Variants in FGD4 observed in about 807,000 individuals in gnomAD.
FGD4 encodes FYVE, RhoGEF and PH domain-containing protein 4.
A neutral mutation model predicts 102.0 loss-of-function variants in FGD4; 42 were observed. That is an observed-to-expected ratio of 0.41 (90% CI 0.32 to 0.53). The LOEUF (loss-of-function observed/expected upper bound fraction) is 0.53, where lower values mean the gene tolerates loss of function less well. FGD4 is among the 20% of genes least tolerant of loss of function. The pLI is 0.21. For missense variants in FGD4, 902 were observed against 1,078.2 expected (o/e 0.84, Z 2.29); for synonymous variants, 380 against 375.7 (o/e 1.01, Z -0.13).
intron 6 of FGD4, 110 bp from the exon 7 acceptor site, chr12:32,602,051 G>T (rs1476258918): frequency 2.1e-6 from 2 of 948,606 alleles, no homozygotes; most frequent in South Asian, 1.4e-5. Context: ...GGAGGTCGAG[G>T]TTGCAGTGAG....
chr12:32,551,955 G>A (rs1419203892), intron 1 of FGD4, among the ~76,000 whole-genome samples: 3 of 152,170 alleles, frequency 2.0e-5, no homozygotes, highest in Non-Finnish European at 2.9e-5. Flanking sequence ...GCAGTAACAC[G>A]AGGTGTTTTA....
intron 1 of FGD4, among the ~76,000 whole-genome samples, chr12:32,498,434 G>T (rs1937956022): frequency 6.6e-6 from 1 of 152,192 alleles, no homozygotes; most frequent in South Asian, 2.1e-4. Context: ...GTGATATTTA[G>T]TAGGATCCTA....
At chr12:32,603,382 TTTTA>T (rs1171082302) in intron 7 of FGD4, among the ~76,000 whole-genome samples, 25 of 150,390 alleles carry the variant, frequency 1.7e-4, no homozygotes, top group African/African-American at 4.9e-4. Flanking sequence ...TTCCTTTTTA[TTTTA>T]TTTATTTTTT....
At chr12:32,438,719 C>A (rs1382044497) in intron 1 of FGD4, among the ~76,000 whole-genome samples, 1 of 151,906 alleles carries the variant, frequency 6.6e-6, no homozygotes, top group Non-Finnish European at 1.5e-5. Context: ...CAATATCCTG[C>A]CTCAGCCTCC....
intron 5 of FGD4, chr12:32,600,349 A>C (rs929391570): frequency 2.8e-6 from 2 of 707,078 alleles, no homozygotes; most frequent in African/African-American, 3.8e-5. Flanking sequence ...CCTAATTACT[A>C]TAGTAACCTA....
Position 32,544,130 on chromosome 12 carries a change from T to C in FGD4, c.167-20007T>C, listed in dbSNP as rs1943054637. 1.3e-5 allele frequency among the ~76,000 whole-genome samples: 2 copies of C among 152,132 alleles called. No individual in the cohort carries two copies. Among genetic ancestry groups the C allele is most frequent in the African/African-American group, 4.8e-5 (2 of 41,430 alleles). The stretch of plus-strand genomic sequence containing the variant: ...TGCTATGAGCTTAAATAATTACTAG[T>C]AAAATTTGGCCAGAGCCAGCAGCCA... On this transcript the variant is annotated intron_variant, in intron 1 of 16. Coordinates refer to ENST00000534526, the MANE Select transcript of FGD4 (RefSeq NM_001370298.3). The surrounding 1 kb of genome is among the most constrained non-coding windows in gnomAD (Gnocchi z 4.1).
chr12:32,399,733 G>T lies in FGD4; in HGVS notation c.-61G>T. On this transcript the variant is annotated 5_prime_UTR_variant, in exon 1 of 17. Transcript: ENST00000534526. ...TGGGCATGCAGGCGACGCCCCCCAG[G>T]GGCCGCTCGCGGCTGGACGGGAGCG... The T allele has an allele frequency of 6.6e-7, 1 of 1,512,406 alleles. No individual in the cohort carries two copies. Among genetic ancestry groups the T allele is most frequent in the African/African-American group, 1.4e-5 (1 of 69,802 alleles). 93.7% of individuals were successfully genotyped at this position (1,512,406 alleles called of 1,614,324 possible). A position where few individuals can be genotyped will look rare whatever the true frequency, so the allele number is the denominator to read the frequency against.
intron 1 of FGD4, among the ~76,000 whole-genome samples, chr12:32,408,259 C>T (rs1470192339): frequency 6.6e-6 from 1 of 151,624 alleles, no homozygotes; most frequent in South Asian, 2.1e-4. Context: ...ATCTCTGCCT[C>T]CCGGGTTCAA....
chr12:32,471,432 T>TA (rs1434477555), intron 1 of FGD4, among the ~76,000 whole-genome samples: 5 of 152,212 alleles, frequency 3.3e-5, no homozygotes, highest in African/African-American at 1.2e-4. Flanking sequence ...TCCTGAGACT[T>TA]AGACGCTATG....
In FGD4 at chr12:32,506,044, A is replaced by G. The variant is rs1363494535; in HGVS notation, c.167-58093A>G. On this transcript the variant is annotated intron_variant, in intron 1 of 16. Coordinates refer to ENST00000534526, the MANE Select transcript of FGD4 (RefSeq NM_001370298.3). This position sits in a 1 kb window ranked among gnomAD's most constrained non-coding sequence, Gnocchi z 4.5. Reference sequence around the variant, plus strand: ...TTAAAGAAGAACCTGAGGCCCATAAAGATTAAGCAGCTTTTCCAAGGTCAG... The same window carrying G: ...TTAAAGAAGAACCTGAGGCCCATAAGGATTAAGCAGCTTTTCCAAGGTCAG... Among the ~76,000 whole-genome samples, 1 of 152,214 alleles carries G rather than the reference A, an allele frequency of 6.6e-6. No individual in the cohort carries two copies. The highest frequency in any genetic ancestry group is 1.5e-5 in the Non-Finnish European group (1 of 68,040).
chr12:32,555,085 A>G (rs576670959), intron 1 of FGD4, among the ~76,000 whole-genome samples: 6 of 152,336 alleles, frequency 3.9e-5, no homozygotes, highest in Admixed American at 3.3e-4. Context: ...CAGGGGTCTT[A>G]CTGCTGTAAT....
At chr12:32,622,625 T>C (rs1949912261) in intron 11 of FGD4, among the ~76,000 whole-genome samples, 1 of 152,186 alleles carries the variant, frequency 6.6e-6, no homozygotes, top group Admixed American at 6.5e-5. Context: ...AGAGTTTTGC[T>C]CTTGTTACCC....
chr12:32,457,910 AAATTAAAT>A (rs1438816374), intron 1 of FGD4, among the ~76,000 whole-genome samples: 3 of 152,180 alleles, frequency 2.0e-5, no homozygotes, highest in African/African-American at 4.8e-5. Context: ...TCTGCTACTG[AAATTAAAT>A]AATTAAATAA....
intron 1 of FGD4, among the ~76,000 whole-genome samples, chr12:32,493,356 C>T (rs1380621743): frequency 6.6e-6 from 1 of 152,178 alleles, no homozygotes; most frequent in African/African-American, 2.4e-5. Flanking sequence ...CATTGTTTCC[C>T]AGGCTGTCAC....
At chr12:32,400,871 T>C (rs1456674690) in intron 1 of FGD4, among the ~76,000 whole-genome samples, 2 of 112,352 alleles carry the variant, frequency 1.8e-5, no homozygotes, top group African/African-American at 8.7e-5. Flanking sequence ...ATATGATAAA[T>C]ATTAGAGCTT....
At chr12:32,456,883 A>C (rs1295225231) in intron 1 of FGD4, among the ~76,000 whole-genome samples, 1 of 152,082 alleles carries the variant, frequency 6.6e-6, no homozygotes, top group Non-Finnish European at 1.5e-5. Flanking sequence ...CCCCTTTTGT[A>C]TTTGAAACAT....
At position 32,443,623 on chromosome 12, in the gene FGD4, CGAACTCCCAGGCTCAGGTGATCCTCTGGA is replaced by C. The variant is rs1942520620; in HGVS notation, c.166+43666_166+43694del. Among the ~76,000 whole-genome samples the C allele has an allele frequency of 5.4e-5, 8 of 149,058 alleles. No homozygotes were observed. The Admixed American group carries it at 5.4e-4, about 10-fold the overall frequency. On this transcript the variant is annotated intron_variant, in intron 1 of 16. Transcript: ENST00000534526. ...GTGCGATCACAGCTCACTGTAGCCT[CGAACTCCCAGGCTCAGGTGATCCTCTGGA>C]GTATCTGGGACTACAGGAATGCAGC...
At chr12:32,530,299 A>G (rs1941668742) in intron 1 of FGD4, among the ~76,000 whole-genome samples, 1 of 152,234 alleles carries the variant, frequency 6.6e-6, no homozygotes, top group African/African-American at 2.4e-5. Context: ...ACTGGCCAAC[A>G]TGGTGAAACC....
chr12:32,533,211 C>T (rs1173511581), intron 1 of FGD4, among the ~76,000 whole-genome samples: 1 of 152,134 alleles, frequency 6.6e-6, no homozygotes, highest in Non-Finnish European at 1.5e-5. Context: ...TATGTGGCCC[C>T]ACCATGCACT....
Sources: gnomAD v4.1 joint callset for allele counts (sites outside exome capture counted in the v4.1 genomes callset) on GRCh38, gnomAD v4.1.1 for gene constraint, Gnocchi (gnomAD v3.1) non-coding constraint, MANE v1.5 for transcripts, NCBI Gene and HGNC (gene_info 2026-07-23, HGNC 2026-07-21) for gene names.